The following PLXNA4 variants were observed in gnomAD, a reference collection of about 807,000 sequenced individuals.
PLXNA4 encodes the protein plexin A4.
A neutral mutation model predicts 191.8 loss-of-function variants in PLXNA4; 44 were observed. The observed-to-expected ratio is 0.23, with a 90% confidence interval of 0.18 to 0.29. The LOEUF is 0.29. Among genes scored for constraint, PLXNA4 ranks in the 10% least tolerant of loss-of-function variants. PLXNA4 has a pLI of 1.00. For synonymous variants in PLXNA4, 1,082 were observed against 1,009.5 expected, an observed-to-expected ratio of 1.07 and a Z score of -1.36; for missense variants, 1,800 against 2,488.8, an observed-to-expected ratio of 0.72 and a Z score of 5.89.
intron 9 of PLXNA4, among the ~76,000 whole-genome samples, chr7:132,212,440 G>A (rs1308022874): frequency 6.6e-6 from 1 of 152,168 alleles, no homozygotes; most frequent in Non-Finnish European, 1.5e-5. Flanking sequence ...CAAGACTTAG[G>A]CTCAGAGGGA....
rs1293985813 is a variant in PLXNA4, at chr7:132,125,596, G to A, written c.*4883C>T. ...ACAACTCCAAAATCCCAAATAAATG[G>A]CCCACAGTTTTGTTTTGTTTTGTTT... On this transcript the variant is annotated 3_prime_UTR_variant, in exon 32 of 32. Transcript: ENST00000321063. 6.6e-6 allele frequency: 1 copy of A among 152,078 alleles called. No homozygotes were observed. Among genetic ancestry groups the A allele is most frequent in the Non-Finnish European group, 1.5e-5 (1 of 68,004 alleles). 9.4% of individuals were successfully genotyped at this position (152,078 alleles called of 1,614,324 possible).
Position 132,385,434 on chromosome 7 carries a change from T to C in PLXNA4, c.1372-87212A>G, listed in dbSNP as rs931990113. 2.3e-6 allele frequency: 3 copies of C among 1,281,298 alleles called. No individual in the cohort carries two copies. In the African/African-American group the frequency reaches 4.6e-5, roughly 20 times the overall value. 79.4% of individuals were successfully genotyped at this position (1,281,298 alleles called of 1,614,324 possible). A position where few individuals can be genotyped will look rare whatever the true frequency, so the allele number is the denominator to read the frequency against. On this transcript the variant is annotated intron_variant, in intron 3 of 31. Transcript: ENST00000321063. ...AATACAGTAAATATGTATTACAAAA[T>C]GTATTAAGAGCCTCAATATCTATGG...
At chr7:132,495,735 G>A (rs544473656) in intron 2 of PLXNA4, among the ~76,000 whole-genome samples, 1 of 152,164 alleles carries the variant, frequency 6.6e-6, no homozygotes, top group African/African-American at 2.4e-5. Flanking sequence ...GTTGCATAGG[G>A]TAAGAAGACA....
rs1024104825 is a variant in PLXNA4 at position 132,508,890 on chromosome 7, C to T, written c.-86-111G>A. On this transcript the variant is annotated intron_variant, in intron 1 of 31. Transcript: ENST00000321063. This position sits in a 1 kb window ranked among gnomAD's most constrained non-coding sequence, Gnocchi z 4.4. ...GTTCTGCACACACTGAGCAGAACTGCACTGGGGGGTGCTGGAGGCTGACTG... is the reference window on the plus strand; with the variant it reads ...GTTCTGCACACACTGAGCAGAACTGTACTGGGGGGTGCTGGAGGCTGACTG... The T allele has an allele frequency of 9.0e-7, 1 of 1,111,450 alleles. No homozygotes were observed. The highest frequency in any genetic ancestry group is 1.2e-6 in the Non-Finnish European group (1 of 824,286). 68.8% of individuals were successfully genotyped at this position (1,111,450 alleles called of 1,614,324 possible). A position where few individuals can be genotyped will look rare whatever the true frequency, so the allele number is the denominator to read the frequency against.
At chr7:132,358,217 TG>T (rs1803789556) in intron 3 of PLXNA4, among the ~76,000 whole-genome samples, 1 of 152,256 alleles carries the variant, frequency 6.6e-6, no homozygotes, top group African/African-American at 2.4e-5. Flanking sequence ...AAATCCTTTT[TG>T]TTCCCCACTT....
At chr7:132,549,768 T>A (rs931373453) in intron 1 of PLXNA4, among the ~76,000 whole-genome samples, 1 of 18,964 alleles carries the variant, frequency 5.3e-5, no homozygotes, top group African/African-American at 8.5e-5. Flanking sequence ...TCCCTTGGGG[T>A]GAGTTGTTTG....
Position 132,589,650 on chromosome 7 carries a change from C to T in PLXNA4, c.-87+56278G>A, listed in dbSNP as rs1299841562. Among the ~76,000 whole-genome samples, 8 of 152,148 alleles carry T rather than the reference C, an allele frequency of 5.3e-5. No individual in the cohort carries two copies. The East Asian group carries it at 1.5e-3, about 29-fold the overall frequency. On this transcript the variant is annotated intron_variant, in intron 2 of 4. Transcript: ENST00000378539. ...ATACACTGTGAGCTCCTAGTTTATA[C>T]CAAGTACTGCTCTAGGTGCTGCAGA...
intron 14 of PLXNA4, among the ~76,000 whole-genome samples, chr7:132,192,157 A>T (rs1266543913): frequency 6.6e-6 from 1 of 152,104 alleles, no homozygotes; most frequent in Non-Finnish European, 1.5e-5. Flanking sequence ...CGTTTCTCTA[A>T]GGTTTGGCCC....
intron 3 of PLXNA4, among the ~76,000 whole-genome samples, chr7:132,348,934 G>T (rs1190261281): frequency 6.6e-6 from 1 of 152,176 alleles, no homozygotes; most frequent in Non-Finnish European, 1.5e-5. Context: ...ACTGCACACT[G>T]AATGGACAGA....
intron 3 of PLXNA4, among the ~76,000 whole-genome samples, chr7:132,363,269 G>A (rs1243436207): frequency 6.6e-6 from 1 of 152,180 alleles, no homozygotes; most frequent in Non-Finnish European, 1.5e-5. Context: ...ACAGGCATGA[G>A]CCACCGCACC....
At chr7:132,220,276 C>T (rs1435860951) in intron 9 of PLXNA4, among the ~76,000 whole-genome samples, 3 of 152,172 alleles carry the variant, frequency 2.0e-5, no homozygotes, top group Non-Finnish European at 2.9e-5. Context: ...TAGGAAGATG[C>T]TACAACAACC....
chr7:132,614,163 A>G (rs1803106928), intron 2 of PLXNA4, among the ~76,000 whole-genome samples: 1 of 152,254 alleles, frequency 6.6e-6, no homozygotes, highest in Non-Finnish European at 1.5e-5. Flanking sequence ...TTAAAATTAC[A>G]TTTTATTTAT....
intron 3 of PLXNA4, among the ~76,000 whole-genome samples, chr7:132,302,061 A>G (rs540462426): frequency 2.0e-5 from 3 of 152,300 alleles, no homozygotes; most frequent in South Asian, 2.1e-4. Flanking sequence ...AAGGTTCCAC[A>G]TGAAAAGTTA....
intron 31 of PLXNA4, among the ~76,000 whole-genome samples, chr7:132,132,178 A>T (rs1794947251): frequency 6.6e-6 from 1 of 152,200 alleles, no homozygotes. Context: ...GCCCCTGCAC[A>T]TGCCTGTGTC....
At chr7:132,458,017 C>A (rs576803431) in intron 3 of PLXNA4, among the ~76,000 whole-genome samples, 1 of 152,256 alleles carries the variant, frequency 6.6e-6, no homozygotes, top group Non-Finnish European at 1.5e-5. Context: ...TTGAAGCCAC[C>A]AAATTTGGGG....
chr7:132,496,720 G>A (rs539343686), intron 2 of PLXNA4, among the ~76,000 whole-genome samples: 27 of 152,234 alleles, frequency 1.8e-4, no homozygotes, highest in Admixed American at 8.5e-4. Flanking sequence ...TCTTAAGCAC[G>A]GGTTTCCTCT....
chr7:132,564,256 CTCCTCCTCCTCTCCTTT>C (rs1299551438), intron 1 of PLXNA4, among the ~76,000 whole-genome samples: 2 of 137,282 alleles, frequency 1.5e-5, no homozygotes, highest in Admixed American at 7.3e-5. Context: ...CCTTCTGCTT[CTCCTCCTCCTCTCCTTT>C]TCCTCCTCCT....
intron 2 of PLXNA4, among the ~76,000 whole-genome samples, chr7:132,500,414 C>A (rs1798197336): frequency 6.6e-6 from 1 of 151,486 alleles, no homozygotes; most frequent in East Asian, 1.9e-4. Context: ...TTGCACTCCA[C>A]CCTGGGCAAC....
At chr7:132,246,322 GT>G (rs1342900913) in intron 4 of PLXNA4, among the ~76,000 whole-genome samples, 4 of 152,146 alleles carry the variant, frequency 2.6e-5, no homozygotes, top group African/African-American at 9.7e-5. Flanking sequence ...TCTCAAATGG[GT>G]TTTGGATAAA....
Sources: gnomAD v4.1 joint callset for allele counts (sites outside exome capture counted in the v4.1 genomes callset) on GRCh38, gnomAD v4.1.1 for gene constraint, Gnocchi (gnomAD v3.1) non-coding constraint, MANE v1.5 for transcripts, NCBI Gene and HGNC (gene_info 2026-07-23, HGNC 2026-07-21) for gene names.